Variants in OSBP2 observed in about 807,000 individuals in gnomAD.
OSBP2 encodes the protein oxysterol binding protein 2.
In OSBP2, 66 loss-of-function variants were observed where a neutral mutation model predicts 96.0. That is an observed-to-expected ratio of 0.69 (90% CI 0.56 to 0.84). The LOEUF (loss-of-function observed/expected upper bound fraction) is 0.84. Ranked by LOEUF, OSBP2 falls within the 40% of genes least tolerant of loss-of-function variation. The pLI is 0.00. For missense variants in OSBP2, 1,038 were observed against 1,222.7 expected, an observed-to-expected ratio of 0.85 and a Z score of 2.25; for synonymous variants, 525 against 520.9, an observed-to-expected ratio of 1.01 and a Z score of -0.11.
Position 30,893,555 on chromosome 22 carries a change from T to C in OSBP2, c.2083T>C (p.Trp695Arg). Residue 695 changes from tryptophan (W) to arginine (R), a missense_variant, in exon 10 of 14, where the codon TGG becomes CGG. Coordinates refer to ENST00000332585, the MANE Select transcript of OSBP2 (RefSeq NM_030758.4). ...TCACAACATCATCGTGGGCAAGCTCTGGATCGACCAGGTCAGGGGCGCCCT... is the reference window on the plus strand; with the variant it reads ...TCACAACATCATCGTGGGCAAGCTCCGGATCGACCAGGTCAGGGGCGCCCT... ...TVHNIIVGKL[W>R]IDQSGDIEIV... 6.2e-7 allele frequency: 1 copy of C among 1,612,842 alleles called. No homozygotes were observed. Among genetic ancestry groups the C allele is most frequent in the South Asian group, 1.1e-5 (1 of 91,064 alleles).
chr22:30,764,173 C>A (rs886570032), intron 2 of OSBP2: 2 of 927,410 alleles, frequency 2.2e-6, no homozygotes, highest in Non-Finnish European at 2.6e-6. Flanking sequence ...GCTCGCCTAC[C>A]CTCCATTGAT....
chr22:30,906,020 C>A lies in OSBP2; in HGVS notation c.2559C>A (p.Arg853=), dbSNP rs1360684276. The A allele has an allele frequency of 1.8e-5, 29 of 1,575,526 alleles. No individual in the cohort carries two copies. Among genetic ancestry groups the A allele is most frequent in the Non-Finnish European group, 2.3e-5 (27 of 1,161,936 alleles). The change falls in exon 13 of 14, where the codon CGC becomes CGA. Residue 853 remains arginine (R), a synonymous_variant. Coordinates refer to ENST00000332585, the MANE Select transcript of OSBP2 (RefSeq NM_030758.4). ...AGGAGAAGCAGCGCCTGTCGCGGCG[C>A]CGGCGGCTGGAGGCCTGCGGGCCGG... ...RLEEKQRLSR[R]RRLEACGPGS...
intron 1 of OSBP2, among the ~76,000 whole-genome samples, chr22:30,739,350 C>G (rs930253618): frequency 2.6e-5 from 4 of 152,128 alleles, no homozygotes; most frequent in African/African-American, 9.7e-5. Context: ...AAAAGGGCAG[C>G]ATCAGGGAGA....
intron 2 of OSBP2, among the ~76,000 whole-genome samples, chr22:30,865,112 G>T (rs1402930196): frequency 6.6e-6 from 1 of 152,148 alleles, no homozygotes; most frequent in African/African-American, 2.4e-5. Context: ...AGCCCACCTG[G>T]CTCCCCTGCG....
At chr22:30,896,711 G>A (rs1329774328) in intron 12 of OSBP2, among the ~76,000 whole-genome samples, 2 of 150,668 alleles carry the variant, frequency 1.3e-5, no homozygotes, top group Non-Finnish European at 2.9e-5. Context: ...CCAGTGGCAC[G>A]ATCACAGCTC....
chr22:30,801,559 C>G (rs1450567535), intron 2 of OSBP2, among the ~76,000 whole-genome samples: 1 of 152,204 alleles, frequency 6.6e-6, no homozygotes, highest in Non-Finnish European at 1.5e-5. Flanking sequence ...TTATTAACCT[C>G]AACTTGAATG....
chr22:30,717,091 TGTG>T (rs1437472115), intron 1 of OSBP2, among the ~76,000 whole-genome samples: 738 of 64,352 alleles, frequency 0.011, 55 homozygotes, highest in African/African-American at 0.039. Context: ...TTACTGTTTT[TGTG>T]TGTGTGTGTG....
At chr22:30,760,984 A>T (rs2090198747) in intron 2 of OSBP2, among the ~76,000 whole-genome samples, 1 of 152,196 alleles carries the variant, frequency 6.6e-6, no homozygotes, top group African/African-American at 2.4e-5. Context: ...CCACCTGATT[A>T]AGGGCATCTT....
Position 30,897,643 on chromosome 22 carries a change from A to C in OSBP2, c.2375+3642A>C, listed in dbSNP as rs79000345. Among the ~76,000 whole-genome samples the C allele has an allele frequency of 5.9e-3, 893 of 152,358 alleles. 12 individuals carry two copies. The highest frequency in any genetic ancestry group is 0.02 in the African/African-American group (852 of 41,578). On this transcript the variant is annotated intron_variant, in intron 12 of 13. Coordinates refer to ENST00000332585, the MANE Select transcript of OSBP2 (RefSeq NM_030758.4). ...TGCAAAATATGTAGAACTGAATGAT[A>C]TAAAAGATATTTGGCCGGGATGGTG...
chr22:30,884,822 G>A (rs563517504), intron 3 of OSBP2, among the ~76,000 whole-genome samples: 3 of 152,210 alleles, frequency 2.0e-5, no homozygotes, highest in East Asian at 1.9e-4. Flanking sequence ...CCCACCCCCC[G>A]GTAGGTGTCA....
rs2090305379 is a variant in OSBP2, at chr22:30,768,431, C to T, written c.853+27062C>T. Among the ~76,000 whole-genome samples, 2 of 152,150 alleles carry T rather than the reference C, an allele frequency of 1.3e-5. 1 individual carries two copies. Among genetic ancestry groups the T allele is most frequent in the South Asian group, 4.1e-4 (2 of 4,828 alleles). On this transcript the variant is annotated intron_variant, in intron 2 of 13. Transcript: ENST00000332585. ...GTGGCTCATACCTATAATCCTAGCA[C>T]TTTGGGAGGCCGAGGCGGGCAGATC...
intron 2 of OSBP2, among the ~76,000 whole-genome samples, chr22:30,779,830 C>T (rs1038318887): frequency 1.3e-5 from 2 of 152,134 alleles, no homozygotes; most frequent in African/African-American, 4.8e-5. Context: ...ACCCTCGGCC[C>T]TTTTGGTGGC....
At chr22:30,824,309 G>C (rs756870494) in intron 2 of OSBP2, among the ~76,000 whole-genome samples, 70 of 152,168 alleles carry the variant, frequency 4.6e-4, no homozygotes, top group Non-Finnish European at 6.9e-4. Context: ...ACAGGGCCTG[G>C]AGCAGAGCTT....
rs745405106 is a variant in OSBP2 at position 30,789,958 on chromosome 22, CAT to C, written c.853+48590_853+48591del. ...AGAGGAATGTGAATCTCGGTGAAAA[CAT>C]GTGTTGTTTCTTGTGTACCCCTCTA... On this transcript the variant is annotated intron_variant, in intron 2 of 13. Coordinates refer to ENST00000332585, the MANE Select transcript of OSBP2 (RefSeq NM_030758.4). Among the ~76,000 whole-genome samples the C allele has an allele frequency of 2.6e-4, 40 of 152,240 alleles. 1 individual carries two copies. Among genetic ancestry groups the C allele is most frequent in the Admixed American group, 7.9e-4 (12 of 15,286 alleles).
At chr22:30,723,418 T>C (rs1455422006) in intron 1 of OSBP2, among the ~76,000 whole-genome samples, 1 of 150,002 alleles carries the variant, frequency 6.7e-6, no homozygotes, top group Admixed American at 6.6e-5. Context: ...TTTATTTATG[T>C]ATTTATTTTT....
chr22:30,905,688 TG>T, intron 12 of OSBP2, 148 bp from the exon 13 acceptor site: 1 of 1,200,630 alleles, frequency 8.3e-7, no homozygotes, highest in Non-Finnish European at 1.1e-6. Flanking sequence ...CTCACTGGGG[TG>T]GGCCCAAGGC....
At chr22:30,743,774 G>A (rs1318513260) in intron 2 of OSBP2, among the ~76,000 whole-genome samples, 5 of 152,184 alleles carry the variant, frequency 3.3e-5, no homozygotes, top group Admixed American at 3.3e-4. Context: ...TAGTCATCCG[G>A]CAACAGTTTT....
rs1022942659 is a variant in OSBP2 at position 30,726,625 on chromosome 22, A to G, written c.645-14536A>G. 5.3e-5 allele frequency among the ~76,000 whole-genome samples: 8 copies of G among 152,324 alleles called. No individual in the cohort carries two copies. In the South Asian group the frequency reaches 1.7e-3, roughly 32 times the overall value. On this transcript the variant is annotated intron_variant, in intron 1 of 13. Transcript: ENST00000332585. The stretch of plus-strand genomic sequence containing the variant: ...ACAAACCTGCACGTTCTGCACATGT[A>G]TCCCAGAACTTAAAGTAAATAATAA...
intron 4 of OSBP2, 121 bp downstream of exon 4, chr22:30,887,739 C>A: frequency 2.6e-6 from 2 of 771,920 alleles, no homozygotes; most frequent in Non-Finnish European, 4.1e-6. Flanking sequence ...TGGCCTTGGC[C>A]AACTCTTGAC....
Sources: gnomAD v4.1 joint callset for allele counts (sites outside exome capture counted in the v4.1 genomes callset) on GRCh38, gnomAD v4.1.1 for gene constraint, MANE v1.5 for transcripts, NCBI Gene and HGNC (gene_info 2026-07-23, HGNC 2026-07-21) for gene names.